Variants in ZNF292 observed in about 807,000 individuals in gnomAD.
ZNF292 encodes the protein zinc finger protein 292, also known as 16 zinc-finger domain protein.
Under a neutral mutation model 217.9 loss-of-function variants are expected in ZNF292, and 26 were observed. That is an observed-to-expected ratio of 0.12 (90% CI 0.09 to 0.17). ZNF292 has a LOEUF of 0.17. Among genes scored for constraint, ZNF292 ranks in the 10% least tolerant of loss-of-function variants. The pLI is 1.00. For synonymous variants in ZNF292, 1,257 were observed against 1,124.1 expected (o/e 1.12, Z -2.37); for missense variants, 2,904 against 3,175.2 (o/e 0.91, Z 2.05).
At chr6:87,206,111 C>T (rs1211678413) in intron 1 of ZNF292, among the ~76,000 whole-genome samples, 1 of 152,158 alleles carries the variant, frequency 6.6e-6, no homozygotes, top group African/African-American at 2.4e-5. Flanking sequence ...GCAAGCTAAT[C>T]TGGACGTATC....
At chr6:87,181,240 G>T (rs942969683) in intron 1 of ZNF292, among the ~76,000 whole-genome samples, 11 of 152,128 alleles carry the variant, frequency 7.2e-5, no homozygotes, top group African/African-American at 2.4e-4. Flanking sequence ...ATGAGTGCAA[G>T]ATTTTACTGA....
intron 6 of ZNF292, among the ~76,000 whole-genome samples, chr6:87,243,894 T>A (rs1321178121): frequency 6.6e-6 from 1 of 152,234 alleles, no homozygotes; most frequent in African/African-American, 2.4e-5. Context: ...TTTTGTCTAA[T>A]GCCACCATAA....
intron 1 of ZNF292, among the ~76,000 whole-genome samples, chr6:87,200,826 A>C (rs1772080752): frequency 6.6e-6 from 1 of 152,234 alleles, no homozygotes; most frequent in Admixed American, 6.5e-5. Context: ...AGTTTTGTGA[A>C]TGGTTATTTC....
At chr6:87,248,833 C>T (rs1277920654) in intron 7 of ZNF292, among the ~76,000 whole-genome samples, 1 of 152,164 alleles carries the variant, frequency 6.6e-6, no homozygotes, top group Non-Finnish European at 1.5e-5. Context: ...CAGTCTTACT[C>T]ACCACTCATA....
chr6:87,236,551 C>A (rs983077076), intron 5 of ZNF292, among the ~76,000 whole-genome samples: 2 of 151,952 alleles, frequency 1.3e-5, no homozygotes, highest in Non-Finnish European at 2.9e-5. Flanking sequence ...TTAGCAGTGT[C>A]TAGTTTAGAT....
At position 87,256,491 on chromosome 6, in the gene ZNF292, A is replaced by G. The variant is rs756066394; in HGVS notation, c.2862A>G (p.Gln954=). The change falls in exon 8 of 8, where the codon CAA becomes CAG. Residue 954 remains glutamine, a synonymous_variant. Coordinates refer to ENST00000369577, the MANE Select transcript of ZNF292 (RefSeq NM_015021.3). The part of the protein sequence containing the change: ...NQGIEDNFGK[Q]ENSTVEGSGE... ...GGATTGAGGATAACTTTGGAAAGCAAGAAAACTCAACTGTGGAAGGCAGTG... is the reference window on the plus strand; with the variant it reads ...GGATTGAGGATAACTTTGGAAAGCAGGAAAACTCAACTGTGGAAGGCAGTG... 16 of 1,611,432 alleles carry G rather than the reference A, an allele frequency of 9.9e-6. No homozygotes were observed. In the East Asian group the frequency reaches 2.9e-4, roughly 29 times the overall value.
chr6:87,225,189 C>G (rs1773283832), intron 4 of ZNF292, among the ~76,000 whole-genome samples: 1 of 152,134 alleles, frequency 6.6e-6, no homozygotes, highest in Non-Finnish European at 1.5e-5. Flanking sequence ...GATCTCTTGC[C>G]TATTTCTTAA....
chr6:87,247,110 T>G (rs1446842419), intron 7 of ZNF292, among the ~76,000 whole-genome samples: 3 of 150,928 alleles, frequency 2.0e-5, no homozygotes, highest in Admixed American at 1.3e-4. Context: ...AGCTGGAGGT[T>G]ACAGTGAGCC....
chr6:87,242,703 C>T (rs978148324), intron 5 of ZNF292, among the ~76,000 whole-genome samples: 7 of 152,126 alleles, frequency 4.6e-5, no homozygotes, highest in African/African-American at 1.7e-4. Flanking sequence ...GATCCCTTGT[C>T]TTATAGCAGA....
chr6:87,251,800 G>A (rs1012030371), intron 7 of ZNF292, among the ~76,000 whole-genome samples: 2 of 152,110 alleles, frequency 1.3e-5, no homozygotes, highest in South Asian at 2.1e-4. Context: ...GTAAAATATA[G>A]TTTCTTTTGT....
intron 4 of ZNF292, among the ~76,000 whole-genome samples, chr6:87,227,608 C>T (rs9450638): frequency 0.4 from 60,699 of 151,914 alleles, 12,445 homozygotes; most frequent in Admixed American, 0.53. Flanking sequence ...TCCCTTAGCC[C>T]TCAGCCCCTG....
chr6:87,226,650 TATATATATAG>T (rs1562154668), intron 4 of ZNF292, among the ~76,000 whole-genome samples: 1 of 103,584 alleles, frequency 9.7e-6, no homozygotes, highest in Non-Finnish European at 1.8e-5. Flanking sequence ...TATATATCTA[TATATATATAG>T]ATATATAGAT....
intron 1 of ZNF292, among the ~76,000 whole-genome samples, chr6:87,160,897 A>G (rs1770725531): frequency 6.6e-6 from 1 of 152,184 alleles, no homozygotes; most frequent in Non-Finnish European, 1.5e-5. Flanking sequence ...CCGTCCCAAC[A>G]AATGAAAGCG....
At chr6:87,232,566 C>G (rs986288886) in intron 4 of ZNF292, among the ~76,000 whole-genome samples, 1 of 151,906 alleles carries the variant, frequency 6.6e-6, no homozygotes, top group African/African-American at 2.4e-5. Context: ...TTCATAAATA[C>G]AAAAAATAAA....
rs138646263 is a variant in ZNF292 at position 87,160,624 on chromosome 6, G to T, written c.168+4865G>T. Among the ~76,000 whole-genome samples the T allele has an allele frequency of 3.6e-3, 547 of 151,062 alleles. 3 individuals are homozygous for T. The highest frequency in any genetic ancestry group is 0.013 in the African/African-American group (527 of 40,896). ...ATATACATATATACGATGTGTGTGT[G>T]TATACATACATGTATACGGTGTGTG... is the stretch of plus-strand genomic sequence containing the variant. On this transcript the variant is annotated intron_variant, in intron 1 of 7. Transcript: ENST00000369577.
intron 4 of ZNF292, chr6:87,223,211 G>A (rs1773181707): frequency 6.5e-6 from 1 of 154,598 alleles, no homozygotes; most frequent in Non-Finnish European, 1.4e-5. Context: ...CTCCCGAGTA[G>A]CTGGGACCGC....
intron 5 of ZNF292, among the ~76,000 whole-genome samples, chr6:87,239,643 C>T (rs1394664974): frequency 7.7e-6 from 1 of 129,456 alleles, no homozygotes; most frequent in Non-Finnish European, 1.6e-5. Context: ...GGGGCGGCTG[C>T]CGGGCGGAGG....
In ZNF292 at chr6:87,250,915, T is replaced by C. The variant is rs141801224; in HGVS notation, c.1021-3735T>C. On this transcript the variant is annotated intron_variant, in intron 7 of 7. Transcript: ENST00000369577. ...CCAGTAGCAATATTATATGGGTCTT[T>C]CTACTAGAGTGGAATCTTGAATATC... 9.4e-3 allele frequency among the ~76,000 whole-genome samples: 1,437 copies of C among 152,332 alleles called. 19 individuals carry two copies. The highest frequency in any genetic ancestry group is 0.033 in the African/African-American group (1,353 of 41,556).
chr6:87,158,052 C>T lies in ZNF292; in HGVS notation c.168+2293C>T, dbSNP rs555046044. Among the ~76,000 whole-genome samples, 56 of 152,230 alleles carry T rather than the reference C, an allele frequency of 3.7e-4. 1 individual carries two copies. Among genetic ancestry groups the T allele is most frequent in the Non-Finnish European group, 7.5e-4 (51 of 68,012 alleles). On this transcript the variant is annotated intron_variant, in intron 1 of 7. Transcript: ENST00000369577. ...ATGAGTGAAACAGCATTTTAAAAAT[C>T]AGAATGAAAGTAATTTCCTATATCA... is the stretch of plus-strand genomic sequence containing the variant.
Sources: gnomAD v4.1 joint callset for allele counts (sites outside exome capture counted in the v4.1 genomes callset) on GRCh38, gnomAD v4.1.1 for gene constraint, MANE v1.5 for transcripts, NCBI Gene and HGNC (gene_info 2026-07-23, HGNC 2026-07-21) for gene names.